DOT1L: variants seen among roughly 807,000 people sequenced by gnomAD.
The protein encoded by DOT1L is DOT1 like histone lysine methyltransferase.
DOT1L carries 33 observed loss-of-function variants against 153.3 expected under a neutral mutation model. The observed-to-expected ratio is 0.22, with a 90% CI of 0.16 to 0.29. The LOEUF (loss-of-function observed/expected upper bound fraction) is 0.29. DOT1L is among the 10% of genes least tolerant of loss of function. The pLI, the probability that DOT1L is intolerant of heterozygous loss-of-function variation, is 1.00. For missense variants in DOT1L, 1,847 were observed against 2,119.9 expected, an observed-to-expected ratio of 0.87 and a Z score of 2.53; for synonymous variants, 1,135 against 965.1, an observed-to-expected ratio of 1.18 and a Z score of -3.26.
chr19:2,169,992 A>G (rs2020066017), intron 1 of DOT1L, among the ~76,000 whole-genome samples: 1 of 152,186 alleles, frequency 6.6e-6, no homozygotes, highest in Non-Finnish European at 1.5e-5. Context: ...CCCCGTATTT[A>G]CCAAAAATAC....
chr19:2,186,375 TGGGTCTCGGAGGA>T (rs1413530064), intron 3 of DOT1L, among the ~76,000 whole-genome samples: 1 of 152,078 alleles, frequency 6.6e-6, no homozygotes, highest in African/African-American at 2.4e-5. Flanking sequence ...TGGCAGCTCC[TGGGTCTCGGAGGA>T]GGGTCTTGTG....
chr19:2,222,900 AAAAC>A lies in DOT1L; in HGVS notation c.3390+343_3390+346del, dbSNP rs1463355648. 2.3e-5 allele frequency: 9 copies of A among 388,456 alleles called. No homozygotes were observed. Among genetic ancestry groups the A allele is most frequent in the Non-Finnish European group, 3.2e-5 (7 of 217,284 alleles). 24.1% of individuals were successfully genotyped at this position (388,456 alleles called of 1,614,324 possible). ...GGGGGGACAAAAAAAAACACAAAAA[AAAAC>A]AGGTGGAGGCAGGGGGCCATGACTG... On this transcript the variant is annotated intron_variant, in intron 24 of 27. Coordinates refer to ENST00000398665, the MANE Select transcript of DOT1L (RefSeq NM_032482.3). The surrounding 1 kb of genome is among the most constrained non-coding windows in gnomAD (Gnocchi z 6.5).
chr19:2,226,878 G>A lies in DOT1L; in HGVS notation c.4357G>A (p.Gly1453Ser), dbSNP rs78539344. ...GGCCCCGGCGGCGTCCTCCGCAGGC[G>A]GCGCGGCGTCCTCCGCCCAGACGCA... ...GLAPAASSAG[G>S]AASSAQTHRS... is the part of the protein sequence containing the mutation. Residue 1453 changes from glycine (G) to serine (S), a missense_variant, in exon 27 of 28, where the codon GGC becomes AGC. Transcript: ENST00000398665. 4,129 of 1,572,048 alleles carry A rather than the reference G, an allele frequency of 2.6e-3. 85 individuals carry two copies. In the African/African-American group the frequency reaches 0.049, roughly 19 times the overall value.
Position 2,226,790 on chromosome 19 carries a change from C to G in DOT1L, c.4269C>G (p.Gly1423=). ...ARDREVDLKN[G]HNLFISAAAV... ...ACCGCGAGGTCGACCTCAAGAATGG[C>G]CACAACCTCTTCATCTCTGCGGCGG... Residue 1423 remains glycine (G), a synonymous_variant, in exon 27 of 28, where the codon GGC becomes GGG. Transcript: ENST00000398665. 6.3e-7 allele frequency: 1 copy of G among 1,580,310 alleles called. No homozygotes were observed. The highest frequency in any genetic ancestry group is 1.1e-5 in the South Asian group (1 of 87,028).
chr19:2,228,964 C>T (rs994189365), intron 27 of DOT1L: 16 of 985,280 alleles, frequency 1.6e-5, no homozygotes, highest in Middle Eastern at 1.0e-3. Flanking sequence ...GGGTTCCCGG[C>T]GGGGTCGAGA....
chr19:2,177,543 AT>A (rs1429853675), intron 1 of DOT1L, among the ~76,000 whole-genome samples: 2 of 152,030 alleles, frequency 1.3e-5, no homozygotes, highest in Non-Finnish European at 2.9e-5. Flanking sequence ...TAGAGCTAAT[AT>A]TTGTGTTATT....
chr19:2,183,677 A>G (rs1279341900), intron 2 of DOT1L, among the ~76,000 whole-genome samples: 4 of 145,656 alleles, frequency 2.7e-5, no homozygotes, highest in Admixed American at 1.4e-4. Context: ...CCCGGGCTGG[A>G]GTGTGGTGGC....
chr19:2,203,282 TAG>T (rs1568350453), intron 9 of DOT1L, among the ~76,000 whole-genome samples: 1 of 152,140 alleles, frequency 6.6e-6, no homozygotes, highest in East Asian at 1.9e-4. Flanking sequence ...GTACTTTTAG[TAG>T]AGACAGGATT....
rs953256705 is a variant in DOT1L, at chr19:2,230,425, G to A, written c.*633G>A. 2 of 400,158 alleles carry A rather than the reference G, an allele frequency of 5.0e-6. No individual in the cohort carries two copies. The allele number at this position is 400,158 out of a possible 1,614,324, so 24.8% of individuals were successfully genotyped here. A position where few individuals can be genotyped will look rare whatever the true frequency, so the allele number is the denominator to read the frequency against. On this transcript the variant is annotated 3_prime_UTR_variant, in exon 28 of 28. Coordinates refer to ENST00000398665, the MANE Select transcript of DOT1L (RefSeq NM_032482.3). Reference sequence around the variant, plus strand: ...CCCCAGACTGTTCACCCTCCGGGGCGTGGGTTGCGCCCTTGCATGTGAAGG... The same window carrying A: ...CCCCAGACTGTTCACCCTCCGGGGCATGGGTTGCGCCCTTGCATGTGAAGG...
chr19:2,169,407 TGCTGG>T, intron 1 of DOT1L, among the ~76,000 whole-genome samples: 1 of 152,326 alleles, frequency 6.6e-6, no homozygotes, highest in East Asian at 1.9e-4. Flanking sequence ...GCTTTGTTCC[TGCTGG>T]CCTGAAAGAG....
At chr19:2,169,556 C>T (rs866870635) in intron 1 of DOT1L, among the ~76,000 whole-genome samples, 1 of 151,926 alleles carries the variant, frequency 6.6e-6, no homozygotes, top group South Asian at 2.1e-4. Context: ...TGCAGTGGCC[C>T]AATCTCGGCT....
chr19:2,201,650 A>G (rs964864248), intron 8 of DOT1L, among the ~76,000 whole-genome samples: 2 of 152,130 alleles, frequency 1.3e-5, no homozygotes, highest in African/African-American at 4.8e-5. Flanking sequence ...TCCCCATCCC[A>G]TGGGGTGGTG....
rs1372937713 is a variant in DOT1L at position 2,202,611 on chromosome 19, G to A, written c.708-89G>A. On this transcript the variant is annotated intron_variant, in intron 8 of 27. Coordinates refer to ENST00000398665, the MANE Select transcript of DOT1L (RefSeq NM_032482.3). ...GGCGGGCGGGTGTGGGCAGGGCCTA[G>A]CACCGACAGCAGCGGTTGTTGGCTG... 9.0e-6 allele frequency: 12 copies of A among 1,334,910 alleles called. No individual in the cohort carries two copies. In the South Asian group the frequency reaches 1.3e-4, roughly 15 times the overall value. 82.7% of individuals were successfully genotyped at this position (1,334,910 alleles called of 1,614,324 possible).
chr19:2,212,942 A>G (rs976014547), intron 16 of DOT1L: 1 of 152,324 alleles, frequency 6.6e-6, no homozygotes, highest in East Asian at 1.9e-4. Context: ...TGGAGCCACA[A>G]GGTCGGCTGT....
intron 8 of DOT1L, among the ~76,000 whole-genome samples, chr19:2,201,459 C>T (rs766551658): frequency 8.5e-5 from 13 of 152,206 alleles, no homozygotes; most frequent in South Asian, 6.2e-4. Context: ...CGGGTGTGCT[C>T]GTGGCTTGTG....
intron 27 of DOT1L, chr19:2,228,040 C>CT (rs2024436903): frequency 7.7e-7 from 1 of 1,304,504 alleles, no homozygotes; most frequent in Non-Finnish European, 1.0e-6. Flanking sequence ...CTGCTGGCCT[C>CT]TAACCCTGAG....
chr19:2,187,388 G>A (rs528332034), intron 3 of DOT1L, among the ~76,000 whole-genome samples: 5 of 152,180 alleles, frequency 3.3e-5, no homozygotes, highest in African/African-American at 7.2e-5. Flanking sequence ...CTTCCTCTTC[G>A]CGTGGGATGG....
rs1234073119 is a variant in DOT1L, at chr19:2,231,677, G to C, written c.*1885G>C. On this transcript the variant is annotated 3_prime_UTR_variant, in exon 28 of 28. Transcript: ENST00000398665. ...CCGAGCCTGGCCTTCAGGACAGGCAGCCTGCTCTGTGTCGCCACGGGCCGG... is the reference window on the plus strand; with the variant it reads ...CCGAGCCTGGCCTTCAGGACAGGCACCCTGCTCTGTGTCGCCACGGGCCGG... 1 of 214,678 alleles carries C rather than the reference G, an allele frequency of 4.7e-6. No individual in the cohort carries two copies. 13.3% of individuals were successfully genotyped at this position (214,678 alleles called of 1,614,324 possible). A position where few individuals can be genotyped will look rare whatever the true frequency, so the allele number is the denominator to read the frequency against.
chr19:2,193,703 G>A lies in DOT1L; in HGVS notation c.508G>A (p.Val170Met). Reference protein sequence around the residue: ...VDLGSGVGQVVLQVAAATNCK... With the variant: ...VDLGSGVGQVMLQVAAATNCK... Reference sequence around the variant, plus strand: ...TCTGATCATAGGTGTGGGCCAGGTCGTGCTCCAGGTTGCTGCTGCCACCAA... The same window carrying A: ...TCTGATCATAGGTGTGGGCCAGGTCATGCTCCAGGTTGCTGCTGCCACCAA... The change falls in exon 6 of 28, where the codon GTG (valine) becomes ATG (methionine). Residue 170 changes from valine (V) to methionine (M), a missense_variant. Around this residue, in one of 8 missense-constraint regions of DOT1L, gnomAD observed 148 missense variants for 422.3 expected, o/e 0.35. Coordinates refer to ENST00000398665, the MANE Select transcript of DOT1L (RefSeq NM_032482.3). The surrounding 1 kb of genome is among the most constrained non-coding windows in gnomAD (Gnocchi z 5.9). 6.2e-7 allele frequency: 1 copy of A among 1,614,102 alleles called. No individual in the cohort carries two copies. Among genetic ancestry groups the A allele is most frequent in the Non-Finnish European group, 8.5e-7 (1 of 1,179,974 alleles).
Sources: gnomAD v4.1 joint callset for allele counts (sites outside exome capture counted in the v4.1 genomes callset) on GRCh38, gnomAD v4.1.1 for gene constraint, gnomAD v4.1.1 regional missense constraint, Gnocchi (gnomAD v3.1) non-coding constraint, MANE v1.5 for transcripts, NCBI Gene and HGNC (gene_info 2026-07-23, HGNC 2026-07-21) for gene names.